Variants in ATG16L2 observed in about 807,000 individuals in gnomAD.
ATG16L2 encodes autophagy related 16 like 2.
Under a neutral mutation model 84.7 loss-of-function variants are expected in ATG16L2, and 77 were observed. That is an observed-to-expected ratio of 0.91 (90% confidence interval 0.76 to 1.10). The LOEUF is 1.10. ATG16L2 is among the 50% of genes least tolerant of loss of function. ATG16L2 has a pLI of 0.00. For synonymous variants in ATG16L2, 361 were observed against 342.8 expected, an observed-to-expected ratio of 1.05 and a Z score of -0.59; for missense variants, 782 against 817.6, an observed-to-expected ratio of 0.96 and a Z score of 0.53.
rs539990968 is a variant in ATG16L2, at chr11:72,822,778, T to C, written c.711-70T>C. The C allele has an allele frequency of 3.2e-6, 4 of 1,232,662 alleles. No homozygotes were observed. The highest frequency in any genetic ancestry group is 4.6e-6 in the Non-Finnish European group (4 of 879,118). 76.4% of individuals were successfully genotyped at this position (1,232,662 alleles called of 1,614,324 possible). A position where few individuals can be genotyped will look rare whatever the true frequency, so the allele number is the denominator to read the frequency against. ...TCACTGGGAATTCCTGTCTTCAGCGTATCCTGTGCTGGGGTCGGGAGGGGC... is the reference window on the plus strand; with the variant it reads ...TCACTGGGAATTCCTGTCTTCAGCGCATCCTGTGCTGGGGTCGGGAGGGGC... On this transcript the variant is annotated intron_variant, in intron 6 of 17. Transcript: ENST00000321297. The surrounding 1 kb of genome is among the most constrained non-coding windows in gnomAD (Gnocchi z 4.2).
In ATG16L2 at chr11:72,822,289, G is replaced by C. The variant is rs758631087; in HGVS notation, c.638G>C (p.Arg213Pro). 2.0e-6 allele frequency: 3 copies of C among 1,511,786 alleles called. No individual in the cohort carries two copies. The highest frequency in any genetic ancestry group is 2.6e-6 in the Non-Finnish European group (3 of 1,138,724). 93.6% of individuals were successfully genotyped at this position (1,511,786 alleles called of 1,614,324 possible). ...GAGCGCAACCTGCGCAACGAGCGCCGGGAGCGGTGAGGGAGCAGGCCCCGC... is the reference window on the plus strand; with the variant it reads ...GAGCGCAACCTGCGCAACGAGCGCCCGGAGCGGTGAGGGAGCAGGCCCCGC... The part of the protein sequence containing the change: ...AAERNLRNER[R>P]ERAKQARVSQ... Residue 213 changes from arginine (R) to proline (P), a missense_variant, in exon 5 of 18, where the codon CGG becomes CCG. By Grantham distance (103) the Arg-to-Pro change is moderately radical (BLOSUM62 -2). Coordinates refer to ENST00000321297, the MANE Select transcript of ATG16L2 (RefSeq NM_033388.2). This position sits in a 1 kb window ranked among gnomAD's most constrained non-coding sequence, Gnocchi z 4.2.
At chr11:72,830,176 C>T (rs1860575875), downstream of ATG16L2, among the ~76,000 whole-genome samples, 1 of 152,140 alleles carries the variant, frequency 6.6e-6, no homozygotes, top group Non-Finnish European at 1.5e-5. Context: ...CAAGGCAGAG[C>T]CCACAGGGCA....
In ATG16L2 at chr11:72,822,166, C is replaced by A; in HGVS notation, c.515C>A (p.Ala172Glu). Reference protein sequence around the residue: ...VQRAAYEALRAHVGLREAALR... With the variant: ...VQRAAYEALREHVGLREAALR... The stretch of plus-strand genomic sequence containing the variant: ...CGGGCAGCCTACGAGGCGCTGCGCG[C>A]GCACGTCGGGCTCCGGGAGGCGGCA... The change falls in exon 5 of 18, where the codon GCG (alanine) becomes GAG (glutamate). Residue 172 changes from alanine to glutamate, a missense_variant. Transcript: ENST00000321297. This position sits in a 1 kb window ranked among gnomAD's most constrained non-coding sequence, Gnocchi z 4.2. The A allele has an allele frequency of 6.7e-7, 1 of 1,491,882 alleles. No individual in the cohort carries two copies. The highest frequency in any genetic ancestry group is 8.8e-7 in the Non-Finnish European group (1 of 1,131,304). The allele number at this position is 1,491,882 out of a possible 1,614,324, so 92.4% of individuals were successfully genotyped here.
Position 72,826,578 on chromosome 11 carries a change from G to A in ATG16L2, c.1234G>A (p.Ala412Thr), listed in dbSNP as rs760089327. 2 of 1,614,056 alleles carry A rather than the reference G, an allele frequency of 1.2e-6. No homozygotes were observed. Among genetic ancestry groups the A allele is most frequent in the Admixed American group, 3.3e-5 (2 of 60,002 alleles). ...TGCCCAGCTCTGGAAGGTGGGGGAG[G>A]CACAGTCCAAGGTGAGGCCTGACTG... ...QAAQLWKVGE[A>T]QSKETLSGHK... Residue 412 changes from alanine to threonine, a missense_variant, in exon 12 of 18, where the codon GCA (alanine) becomes ACA (threonine). Ala to Thr is a moderately conservative substitution (Grantham distance 58). Coordinates refer to ENST00000321297, the MANE Select transcript of ATG16L2 (RefSeq NM_033388.2).
At chr11:72,836,825 T>A (rs1325322916) in intron 5 of ATG16L2, 2 of 152,594 alleles carry the variant, frequency 1.3e-5, no homozygotes, top group Non-Finnish European at 2.9e-5. Context: ...AAAGCACATC[T>A]GCACAGAGGC....
Position 72,814,426 on chromosome 11 carries a change from C to G in ATG16L2, c.-20C>G, listed in dbSNP as rs757495319. ...CGTCCTGGGCGGGAGGAACGCGCCGCTAGGCGGGAGAGCGCGGCCATGGCG... is the reference window on the plus strand; with the variant it reads ...CGTCCTGGGCGGGAGGAACGCGCCGGTAGGCGGGAGAGCGCGGCCATGGCG... On this transcript the variant is annotated 5_prime_UTR_variant, in exon 1 of 18. Transcript: ENST00000321297. The G allele has an allele frequency of 1.1e-5, 16 of 1,427,486 alleles. No homozygotes were observed. The South Asian group carries it at 1.4e-4, about 12-fold the overall frequency. 88.4% of individuals were successfully genotyped at this position (1,427,486 alleles called of 1,614,324 possible). A position where few individuals can be genotyped will look rare whatever the true frequency, so the allele number is the denominator to read the frequency against.
chr11:72,832,976 T>A (rs1860639945), downstream of ATG16L2, among the ~76,000 whole-genome samples: 1 of 152,212 alleles, frequency 6.6e-6, no homozygotes, highest in Admixed American at 6.5e-5. Context: ...AGCTGTTCTG[T>A]AGGCATGAGG....
At chr11:72,825,774 G>GT (rs1206058759) in intron 10 of ATG16L2, among the ~76,000 whole-genome samples, 1 of 152,136 alleles carries the variant, frequency 6.6e-6, no homozygotes, top group Non-Finnish European at 1.5e-5. Context: ...CAGAACTCAG[G>GT]TAAGAGACAA....
At chr11:72,826,002 G>A (rs550360576) in intron 10 of ATG16L2, among the ~76,000 whole-genome samples, 171 bp from the exon 11 acceptor site, 2 of 152,296 alleles carry the variant, frequency 1.3e-5, no homozygotes, top group African/African-American at 4.8e-5. Context: ...GCAGTTAGGG[G>A]AGGTGTAGTC....
intron 14 of ATG16L2, 82 bp downstream of exon 14, chr11:72,827,375 C>T: frequency 1.7e-6 from 2 of 1,201,470 alleles, no homozygotes; most frequent in Non-Finnish European, 2.5e-6. Flanking sequence ...CTGGCCATGG[C>T]AGGAGGAGTC....
Position 72,829,352 on chromosome 11 carries a change from A to AG in ATG16L2, c.1823dup (p.Ser608ArgfsTer62), listed in dbSNP as rs1248108776. 1 of 1,612,696 alleles carries AG rather than the reference A, an allele frequency of 6.2e-7. No individual in the cohort carries two copies. On this transcript the variant is annotated frameshift_variant, in exon 18 of 18. Transcript: ENST00000321297. LOFTEE classifies it high-confidence loss of function. ...GTGCTACTCCGGGAGCCACATGGTG[A>AG]GCGTGGACCAGGGCAGGAAGGTTGT...
At chr11:72,819,616 A>T (rs182821787) in intron 3 of ATG16L2, among the ~76,000 whole-genome samples, 1 of 152,178 alleles carries the variant, frequency 6.6e-6, no homozygotes, top group Non-Finnish European at 1.5e-5. Flanking sequence ...TGCCACGCTC[A>T]TCTCTGAGCT....
chr11:72,841,523 G>A (rs1305228636), intron 5 of ATG16L2: 1 of 1,611,564 alleles, frequency 6.2e-7, no homozygotes, highest in South Asian at 1.1e-5. Context: ...GGGCTGCTGG[G>A]AGGCTGGTCG....
At chr11:72,826,129 G>A (rs200423702) in intron 10 of ATG16L2, 44 bp from the exon 11 acceptor site, 1 of 1,528,762 alleles carries the variant, frequency 6.5e-7, no homozygotes, top group Non-Finnish European at 9.0e-7. Flanking sequence ...CATTTTGTGA[G>A]GTTAAGACCT....
In ATG16L2 at chr11:72,825,398, G is replaced by A. The variant is rs760518536; in HGVS notation, c.1093G>A (p.Val365Ile). 6.2e-7 allele frequency: 1 copy of A among 1,611,948 alleles called. No individual in the cohort carries two copies. Among genetic ancestry groups the A allele is most frequent in the East Asian group, 2.2e-5 (1 of 44,872 alleles). The change falls in exon 10 of 18, where the codon GTT becomes ATT. Residue 365 changes from valine (V) to isoleucine (I), a missense_variant. Transcript: ENST00000321297. ...TGACCGCCTGATCCACCTCTGGAAT[G>A]TTGTGGGAAGTAAGGAGCCCTCCCC... Reference protein sequence around the residue: ...GADRLIHLWNVVGSRLEANQT... With the variant: ...GADRLIHLWNIVGSRLEANQT...
rs1860558111 is a variant in ATG16L2 at position 72,829,580 on chromosome 11, T to C, written c.*190T>C. The C allele has an allele frequency of 1.5e-6, 2 of 1,338,830 alleles. No individual in the cohort carries two copies. The highest frequency in any genetic ancestry group is 1.9e-6 in the Non-Finnish European group (2 of 1,047,820). 82.9% of individuals were successfully genotyped at this position (1,338,830 alleles called of 1,614,324 possible). ...GGGATTACGCTAGTTTTTCTTTGTA[T>C]TTTTATCTCTATCTCCTCACTTTTT... On this transcript the variant is annotated 3_prime_UTR_variant, in exon 18 of 18. Transcript: ENST00000321297.
intron 1 of ATG16L2, chr11:72,816,279 T>C (rs4245436): frequency 1 from 153,772 of 153,884 alleles, 76,830 homozygotes; most frequent in Middle Eastern, 1. Flanking sequence ...CGCGCCCGGC[T>C]GGGGATTATT....
At chr11:72,818,854 A>G (rs1859826212) in intron 3 of ATG16L2, 1 of 152,222 alleles carries the variant, frequency 6.6e-6, no homozygotes, top group Non-Finnish European at 1.5e-5. Context: ...CAGGAAATAC[A>G]CATCCAGTCA....
At chr11:72,840,896 G>A (rs1422559933) in intron 5 of ATG16L2, 2 of 1,612,210 alleles carry the variant, frequency 1.2e-6, no homozygotes, top group African/African-American at 2.7e-5. Flanking sequence ...TTTGCCATAT[G>A]AGGTCTCAGG....
Sources: gnomAD v4.1 joint callset for allele counts (sites outside exome capture counted in the v4.1 genomes callset) on GRCh38, gnomAD v4.1.1 for gene constraint, Gnocchi (gnomAD v3.1) non-coding constraint, MANE v1.5 for transcripts, NCBI Gene and HGNC (gene_info 2026-07-23, HGNC 2026-07-21) for gene names.